DSG3: variants seen among roughly 807,000 people sequenced by gnomAD.
The protein encoded by DSG3 is desmoglein-3.
In DSG3, 63 loss-of-function variants were observed where a neutral mutation model predicts 85.9. That is an observed-to-expected ratio of 0.73 (90% CI 0.60 to 0.90). DSG3 has a LOEUF of 0.90. Ranked by LOEUF, DSG3 falls within the 40% of genes least tolerant of loss-of-function variation. The probability of loss-of-function intolerance (pLI) is 0.00; values close to 1 mark genes in which losing one functional copy is unlikely to be tolerated. For synonymous variants in DSG3, 447 were observed against 441.9 expected (o/e 1.01, Z -0.14); for missense variants, 1,220 against 1,219.9 (o/e 1.00, Z 0.00).
rs147349647 is a variant in DSG3, at chr18:31,477,597, T to C, written c.*1337T>C. 357 of 152,346 alleles carry C rather than the reference T, an allele frequency of 2.3e-3. 3 individuals carry two copies. The highest frequency in any genetic ancestry group is 8.4e-3 in the African/African-American group (349 of 41,586). The allele number at this position is 152,346 out of a possible 1,614,324, so 9.4% of individuals were successfully genotyped here. On this transcript the variant is annotated 3_prime_UTR_variant, in exon 16 of 16. Coordinates refer to ENST00000257189, the MANE Select transcript of DSG3 (RefSeq NM_001944.3). ...TGAGTAACCTCTATTTTTTAAGCCT[T>C]GCTTTTAAATTAAACAGCTACAGCC...
rs752016859 is a variant in DSG3, at chr18:31,459,888, A to C, written c.561A>C (p.Pro187=). The change falls in exon 6 of 16, where the codon CCA becomes CCC. Residue 187 remains proline (P), a synonymous_variant. Coordinates refer to ENST00000257189, the MANE Select transcript of DSG3 (RefSeq NM_001944.3). ...TAAATGCCACAGATGCAGATGAACC[A>C]AACCACTTGAATTCTAAAATTGCCT... ...MILNATDADE[P]NHLNSKIAFK... is the part of the protein sequence containing the mutation. 6.2e-6 allele frequency: 10 copies of C among 1,613,978 alleles called. No homozygotes were observed. Among genetic ancestry groups the C allele is most frequent in the African/African-American group, 1.3e-5 (1 of 74,912 alleles).
At chr18:31,457,652 T>C (rs771442748) in intron 3 of DSG3, among the ~76,000 whole-genome samples, 1 of 147,404 alleles carries the variant, frequency 6.8e-6, no homozygotes, top group Non-Finnish European at 1.5e-5. Context: ...TTTTCTGAGA[T>C]GGAGTCACTG....
intron 2 of DSG3, 66 bp downstream of exon 2, chr18:31,456,541 T>G: frequency 1.1e-6 from 1 of 878,260 alleles, no homozygotes; most frequent in Non-Finnish European, 1.6e-6. Context: ...TTAAATTGTG[T>G]TTAGTAGAAA....
At chr18:31,475,286 AAG>A (rs1311596209) in intron 15 of DSG3, among the ~76,000 whole-genome samples, 1 of 152,164 alleles carries the variant, frequency 6.6e-6, no homozygotes, top group Non-Finnish European at 1.5e-5. Flanking sequence ...CAAGCAGACA[AAG>A]AGTGATATTG....
At chr18:31,448,334 C>A (rs138452633) in intron 1 of DSG3, among the ~76,000 whole-genome samples, 3 of 152,162 alleles carry the variant, frequency 2.0e-5, no homozygotes, top group Non-Finnish European at 4.4e-5. Context: ...GAACTCTACA[C>A]GCCTGGGCTT....
Position 31,469,139 on chromosome 18 carries a change from C to T in DSG3, c.1687C>T (p.His563Tyr), listed in dbSNP as rs2072839401. Reference protein sequence around the residue: ...AQEQIPPGVYHISLVLTDSQN... With the variant: ...AQEQIPPGVYYISLVLTDSQN... The stretch of plus-strand genomic sequence containing the variant: ...GGAACAGATACCTCCTGGAGTATAC[C>T]ACATCTCCCTGGTACTTACAGACAG... The change falls in exon 12 of 16, where the codon CAC becomes TAC. Residue 563 changes from histidine (H) to tyrosine (Y), a missense_variant. By Grantham distance (83) the His-to-Tyr change is moderately conservative. Transcript: ENST00000257189. The T allele has an allele frequency of 1.2e-6, 2 of 1,614,174 alleles. No homozygotes were observed. Among genetic ancestry groups the T allele is most frequent in the African/African-American group, 1.3e-5 (1 of 75,042 alleles).
chr18:31,458,058 T>A (rs190725737), intron 3 of DSG3, among the ~76,000 whole-genome samples: 3 of 152,304 alleles, frequency 2.0e-5, no homozygotes, highest in Admixed American at 2.0e-4. Context: ...TCCCTTTTTG[T>A]CTCTCCACTT....
rs1245592202 is a variant in DSG3 at position 31,476,376 on chromosome 18, C to G, written c.*116C>G. ...AATAATTTGGCACTTATTAGCTTCTCTCATAAACTGATCACGATTATAAAT... is the reference window on the plus strand; with the variant it reads ...AATAATTTGGCACTTATTAGCTTCTGTCATAAACTGATCACGATTATAAAT... On this transcript the variant is annotated 3_prime_UTR_variant, in exon 16 of 16. Coordinates refer to ENST00000257189, the MANE Select transcript of DSG3 (RefSeq NM_001944.3). 1 of 1,208,164 alleles carries G rather than the reference C, an allele frequency of 8.3e-7. No homozygotes were observed. Among genetic ancestry groups the G allele is most frequent in the Non-Finnish European group, 1.1e-6 (1 of 873,174 alleles). The allele number at this position is 1,208,164 out of a possible 1,614,324, so 74.8% of individuals were successfully genotyped here.
rs2072888686 is a variant in DSG3, at chr18:31,476,418, T to C, written c.*158T>C. On this transcript the variant is annotated 3_prime_UTR_variant, in exon 16 of 16. Transcript: ENST00000257189. ...ATTATAAATTAAATGTTTGGGTTCA[T>C]ACCCCAAAAGCAATATGTTGTCACT... 3 of 807,988 alleles carry C rather than the reference T, an allele frequency of 3.7e-6. No homozygotes were observed. The highest frequency in any genetic ancestry group is 6.6e-5 in the Admixed American group (2 of 30,380). The allele number at this position is 807,988 out of a possible 1,614,324, so 50.1% of individuals were successfully genotyped here.
intron 12 of DSG3, among the ~76,000 whole-genome samples, chr18:31,469,873 A>G (rs977509663): frequency 1.3e-5 from 2 of 150,926 alleles, no homozygotes; most frequent in Non-Finnish European, 3.0e-5. Context: ...ATTAATATTA[A>G]TATCATATGC....
At chr18:31,470,544 C>T (rs1211507870) in intron 12 of DSG3, among the ~76,000 whole-genome samples, 1 of 152,082 alleles carries the variant, frequency 6.6e-6, no homozygotes, top group Non-Finnish European at 1.5e-5. Context: ...AGTTCAAGAA[C>T]CAGAAATTTT....
At chr18:31,457,240 T>A in intron 3 of DSG3, 116 bp downstream of exon 3, 1 of 916,360 alleles carries the variant, frequency 1.1e-6, no homozygotes, top group Non-Finnish European at 1.6e-6. Flanking sequence ...ACAGAACAAG[T>A]GAACTGGTAT....
chr18:31,464,464 T>C, intron 9 of DSG3, 82 bp downstream of exon 9: 7 of 1,408,746 alleles, frequency 5.0e-6, no homozygotes, highest in South Asian at 2.9e-5. Context: ...TAAACTATTA[T>C]GTGCCAAGAA....
chr18:31,464,644 A>G (rs1164243515), intron 9 of DSG3, among the ~76,000 whole-genome samples: 1 of 152,224 alleles, frequency 6.6e-6, no homozygotes, highest in Non-Finnish European at 1.5e-5. Flanking sequence ...AATTGGGAAC[A>G]TGTCTCATGG....
chr18:31,453,000 T>C (rs1356202235), intron 1 of DSG3, among the ~76,000 whole-genome samples: 1 of 152,196 alleles, frequency 6.6e-6, no homozygotes, highest in Non-Finnish European at 1.5e-5. Flanking sequence ...AATTAAATAA[T>C]TTCCAAGTAA....
chr18:31,476,347 G>A lies in DSG3; in HGVS notation c.*87G>A, dbSNP rs757777226. Reference sequence around the variant, plus strand: ...TAGCATAGCAAAGCTCACTGTATTGGGCTAATAATTTGGCACTTATTAGCT... The same window carrying A: ...TAGCATAGCAAAGCTCACTGTATTGAGCTAATAATTTGGCACTTATTAGCT... On this transcript the variant is annotated 3_prime_UTR_variant, in exon 16 of 16. Transcript: ENST00000257189. 33 of 1,475,266 alleles carry A rather than the reference G, an allele frequency of 2.2e-5. No individual in the cohort carries two copies. Among genetic ancestry groups the A allele is most frequent in the African/African-American group, 1.3e-4 (9 of 70,690 alleles). The allele number at this position is 1,475,266 out of a possible 1,614,324, so 91.4% of individuals were successfully genotyped here.
chr18:31,461,534 A>G (rs1406749160), intron 8 of DSG3, 122 bp downstream of exon 8: 2 of 1,005,212 alleles, frequency 2.0e-6, no homozygotes, highest in Admixed American at 2.8e-5. Context: ...ATAAAAGTAG[A>G]TTGAATTTTT....
rs552957098 is a variant in DSG3, at chr18:31,448,696, G to A, written c.48+771G>A. 1.3e-4 allele frequency among the ~76,000 whole-genome samples: 19 copies of A among 150,294 alleles called. No individual in the cohort carries two copies. The South Asian group carries it at 3.4e-3, about 27-fold the overall frequency. On this transcript the variant is annotated intron_variant, in intron 1 of 15. Transcript: ENST00000257189. Reference sequence around the variant, plus strand: ...AAAGTCACAATATTATCTGTTACACGGAGATATCAAAATAGTTAAATATAC... The same window carrying A: ...AAAGTCACAATATTATCTGTTACACAGAGATATCAAAATAGTTAAATATAC...
intron 1 of DSG3, among the ~76,000 whole-genome samples, chr18:31,453,405 A>G (rs1000025261): frequency 1.4e-4 from 19 of 140,502 alleles, no homozygotes; most frequent in African/African-American, 5.2e-4. Flanking sequence ...CCCAAACAAG[A>G]TCTCGGCCAA....
Sources: allele counts gnomAD v4.1 joint callset (sites outside exome capture counted in the v4.1 genomes callset), GRCh38; gene constraint gnomAD v4.1.1; transcripts MANE v1.5; gene names NCBI Gene and HGNC (gene_info 2026-07-23, HGNC 2026-07-21).